ERICH5: variants seen among roughly 807,000 people sequenced by gnomAD.
The protein encoded by ERICH5 is glutamate-rich protein 5.
In ERICH5, 24 loss-of-function variants were observed where a neutral mutation model predicts 28.0. That is an observed-to-expected ratio of 0.86 (90% CI 0.62 to 1.21). The LOEUF is 1.21. Among genes scored for constraint, ERICH5 ranks in the 50% most tolerant of loss-of-function variants. ERICH5 has a pLI of 0.00. For missense variants in ERICH5, 421 were observed against 441.2 expected, an observed-to-expected ratio of 0.95 and a Z score of 0.41; for synonymous variants, 163 against 157.6, an observed-to-expected ratio of 1.03 and a Z score of -0.25.
At chr8:98,074,589 A>T (rs1304353834) in intron 1 of ERICH5, among the ~76,000 whole-genome samples, 1 of 151,780 alleles carries the variant, frequency 6.6e-6, no homozygotes, top group Non-Finnish European at 1.5e-5. Flanking sequence ...TGTAAAGACA[A>T]GGTCTCACTA....
chr8:98,085,469 C>T (rs1815259432), intron 1 of ERICH5, among the ~76,000 whole-genome samples: 1 of 151,938 alleles, frequency 6.6e-6, no homozygotes, highest in Non-Finnish European at 1.5e-5. Flanking sequence ...GGCCGTTCCA[C>T]AGATTTTTTG....
chr8:98,084,671 G>T (rs1031818539), intron 1 of ERICH5, among the ~76,000 whole-genome samples: 1 of 152,160 alleles, frequency 6.6e-6, no homozygotes, highest in African/African-American at 2.4e-5. Context: ...GTGAGCCACC[G>T]CACCCAGCTG....
chr8:98,064,825 T>C, intron 1 of ERICH5, 98 bp downstream of exon 1: 8 of 933,674 alleles, frequency 8.6e-6, no homozygotes, highest in Non-Finnish European at 1.2e-5. Context: ...CCACCCCGCC[T>C]GGCAGGAGCC....
At chr8:98,073,516 G>GTA (rs1289703378) in intron 1 of ERICH5, among the ~76,000 whole-genome samples, 2 of 5,296 alleles carry the variant, frequency 3.8e-4, no homozygotes, top group African/African-American at 5.7e-4. Context: ...ATATATATAT[G>GTA]TATATATATA....
chr8:98,065,059 G>T (rs1181896492), intron 1 of ERICH5, among the ~76,000 whole-genome samples: 1 of 152,208 alleles, frequency 6.6e-6, no homozygotes, highest in East Asian at 1.9e-4. Flanking sequence ...CCTCGGCATT[G>T]CCTTAAACAC....
chr8:98,093,426 A>G lies in ERICH5; in HGVS notation c.*93A>G. 2.5e-6 allele frequency: 2 copies of G among 798,230 alleles called. No homozygotes were observed. Among genetic ancestry groups the G allele is most frequent in the Admixed American group, 2.6e-5 (1 of 39,106 alleles). 49.4% of individuals were successfully genotyped at this position (798,230 alleles called of 1,614,324 possible). ...ATGTATCTTATCTTTCTACATTTAC[A>G]TGTTTTCTGTAAGGAGTGTGGTTAT... On this transcript the variant is annotated 3_prime_UTR_variant, in exon 3 of 3. Coordinates refer to ENST00000318528, the MANE Select transcript of ERICH5 (RefSeq NM_173549.3).
Position 98,089,443 on chromosome 8 carries a change from T to C in ERICH5, c.426T>C (p.Ser142=). The change falls in exon 2 of 3, where the codon TCT becomes TCC. Residue 142 remains serine (S), a synonymous_variant. Coordinates refer to ENST00000318528, the MANE Select transcript of ERICH5 (RefSeq NM_173549.3). ...KDAGAGTEAE[S]LKGNAEAQPL... ...CAGGAGCAGGGACAGAGGCCGAGTC[T>C]CTAAAAGGAAATGCTGAAGCTCAGC... 1.2e-6 allele frequency: 2 copies of C among 1,614,168 alleles called. No homozygotes were observed. Among genetic ancestry groups the C allele is most frequent in the South Asian group, 1.1e-5 (1 of 91,080 alleles).
At chr8:98,079,193 CAG>C (rs1815125847) in intron 1 of ERICH5, among the ~76,000 whole-genome samples, 1 of 110,488 alleles carries the variant, frequency 9.1e-6, no homozygotes, top group Admixed American at 1.2e-4. Context: ...TTTTTTGAGA[CAG>C]GGTCTCTGTC....
chr8:98,073,920 TC>T (rs1207808697), intron 1 of ERICH5, among the ~76,000 whole-genome samples: 14 of 33,880 alleles, frequency 4.1e-4, no homozygotes, highest in African/African-American at 1.6e-3. Context: ...TCTCTCTTTT[TC>T]TTTTTTTTTT....
intron 1 of ERICH5, among the ~76,000 whole-genome samples, chr8:98,087,408 A>G (rs1815301987): frequency 6.6e-6 from 1 of 152,168 alleles, no homozygotes; most frequent in Non-Finnish European, 1.5e-5. Flanking sequence ...TTTAAACTGC[A>G]TGCACATATG....
chr8:98,090,939 T>G (rs1400862628), intron 2 of ERICH5, among the ~76,000 whole-genome samples: 1 of 152,086 alleles, frequency 6.6e-6, no homozygotes, highest in Non-Finnish European at 1.5e-5. Context: ...TTTATTTAAT[T>G]AATTTATTTA....
At chr8:98,067,280 G>A (rs1284455810) in intron 1 of ERICH5, among the ~76,000 whole-genome samples, 2 of 151,516 alleles carry the variant, frequency 1.3e-5, no homozygotes, top group Non-Finnish European at 2.9e-5. Flanking sequence ...AAAAATTTTT[G>A]TAAAAAAATT....
At chr8:98,084,249 G>A (rs1410076026) in intron 1 of ERICH5, among the ~76,000 whole-genome samples, 1 of 151,754 alleles carries the variant, frequency 6.6e-6, no homozygotes, top group African/African-American at 2.4e-5. Flanking sequence ...CCTCCCTGTC[G>A]CTCTTTTCAG....
At position 98,089,785 on chromosome 8, in the gene ERICH5, G is replaced by C; in HGVS notation, c.768G>C (p.Gln256His). 1 of 1,614,098 alleles carries C rather than the reference G, an allele frequency of 6.2e-7. No homozygotes were observed. Reference protein sequence around the residue: ...QATLGKEEQPQLLERIPKENV... With the variant: ...QATLGKEEQPHLLERIPKENV... ...CATTGGGAAAAGAGGAGCAGCCCCA[G>C]CTTCTAGAAAGAATTCCCAAAGAGA... The change falls in exon 2 of 3, where the codon CAG becomes CAC. Residue 256 changes from glutamine (Q) to histidine (H), a missense_variant. Coordinates refer to ENST00000318528, the MANE Select transcript of ERICH5 (RefSeq NM_173549.3).
intron 2 of ERICH5, among the ~76,000 whole-genome samples, chr8:98,092,721 C>G (rs1205494914): frequency 6.6e-6 from 1 of 151,784 alleles, no homozygotes; most frequent in East Asian, 1.9e-4. Flanking sequence ...TTAATTGACT[C>G]GACATTTCAG....
intron 1 of ERICH5, among the ~76,000 whole-genome samples, chr8:98,079,324 C>T (rs1815129280): frequency 6.6e-6 from 1 of 151,786 alleles, no homozygotes; most frequent in Non-Finnish European, 1.5e-5. Context: ...GTGCATGCCA[C>T]CATGCCCAGC....
chr8:98,076,026 C>T (rs1268636433), intron 1 of ERICH5, among the ~76,000 whole-genome samples: 1 of 151,648 alleles, frequency 6.6e-6, no homozygotes, highest in Non-Finnish European at 1.5e-5. Context: ...TCTGTCCACC[C>T]CTCTTAGAGT....
chr8:98,081,956 G>A (rs78492842), intron 1 of ERICH5, among the ~76,000 whole-genome samples: 2,302 of 151,814 alleles, frequency 0.015, 47 homozygotes, highest in African/African-American at 0.051. Context: ...CCCCTATACT[G>A]TAGGTCTATA....
chr8:98,087,775 A>G (rs1815308035), intron 1 of ERICH5, among the ~76,000 whole-genome samples: 1 of 152,218 alleles, frequency 6.6e-6, no homozygotes, highest in Non-Finnish European at 1.5e-5. Context: ...AGTGATTTCT[A>G]AACTTATTGT....
Sources: gnomAD v4.1 joint callset for allele counts (sites outside exome capture counted in the v4.1 genomes callset) on GRCh38, gnomAD v4.1.1 for gene constraint, MANE v1.5 for transcripts, NCBI Gene and HGNC (gene_info 2026-07-23, HGNC 2026-07-21) for gene names.